IQGAP2: variants seen among roughly 807,000 people sequenced by gnomAD.
IQGAP2 encodes the protein ras GTPase-activating-like protein IQGAP2.
A neutral mutation model predicts 201.3 loss-of-function variants in IQGAP2; 173 were observed. The ratio of observed to expected loss-of-function variants is 0.86; its 90% CI spans 0.76 to 0.98. The LOEUF (loss-of-function observed/expected upper bound fraction) is 0.98. Among genes scored for constraint, IQGAP2 ranks in the 50% least tolerant of loss-of-function variants. IQGAP2 has a pLI of 0.00. For synonymous variants in IQGAP2, 675 were observed against 673.9 expected (o/e 1.00, Z -0.03); for missense variants, 1,687 against 1,864.8 (o/e 0.90, Z 1.76).
chr5:76,460,535 G>A (rs77245551), intron 1 of IQGAP2, among the ~76,000 whole-genome samples: 1,961 of 148,840 alleles, frequency 0.013, 17 homozygotes, highest in Non-Finnish European at 0.022. Context: ...GTGGCTGAGT[G>A]ACTAGACCTG....
chr5:76,665,456 C>T (rs572140171), intron 22 of IQGAP2, among the ~76,000 whole-genome samples: 1 of 152,164 alleles, frequency 6.6e-6, no homozygotes, highest in Non-Finnish European at 1.5e-5. Flanking sequence ...GGTTTTGAAA[C>T]GCAGGCAGTT....
intron 11 of IQGAP2, among the ~76,000 whole-genome samples, chr5:76,604,147 T>C (rs2150327818): frequency 6.6e-6 from 1 of 152,032 alleles, no homozygotes; most frequent in Admixed American, 6.6e-5. Flanking sequence ...CCCCCTGACA[T>C]GCCTCGGTGT....
At chr5:76,628,744 T>A (rs1750458897) in intron 14 of IQGAP2, 1 of 455,892 alleles carries the variant, frequency 2.2e-6, no homozygotes, top group Non-Finnish European at 4.4e-6. Context: ...CTCCTTAGCT[T>A]AGAAAAATGT....
chr5:76,540,647 T>C (rs1420456853), intron 2 of IQGAP2, among the ~76,000 whole-genome samples: 1 of 152,166 alleles, frequency 6.6e-6, no homozygotes, highest in Non-Finnish European at 1.5e-5. Flanking sequence ...AAAAGACCAA[T>C]TTGAGGGTGC....
At chr5:76,697,382 G>A (rs1746851823) in intron 32 of IQGAP2, among the ~76,000 whole-genome samples, 1 of 152,216 alleles carries the variant, frequency 6.6e-6, no homozygotes, top group Non-Finnish European at 1.5e-5. Flanking sequence ...AATGTCTCAT[G>A]CCTATAATCC....
At chr5:76,669,827 T>C (rs562850298) in intron 23 of IQGAP2, among the ~76,000 whole-genome samples, 1 of 152,228 alleles carries the variant, frequency 6.6e-6, no homozygotes, top group South Asian at 2.1e-4. Context: ...CTCTATTTGC[T>C]TTTTGGGGAT....
At chr5:76,510,939 G>A (rs1420202578) in intron 2 of IQGAP2, among the ~76,000 whole-genome samples, 2 of 152,222 alleles carry the variant, frequency 1.3e-5, no homozygotes, top group African/African-American at 2.4e-5. Flanking sequence ...GACTCATGCT[G>A]AACAGTGTGG....
At chr5:76,458,799 G>T (rs143772288) in intron 1 of IQGAP2, among the ~76,000 whole-genome samples, 90 of 152,282 alleles carry the variant, frequency 5.9e-4, no homozygotes, top group African/African-American at 2.0e-3. Flanking sequence ...TACTCTTATT[G>T]AGTGTAAATA....
At position 76,654,728 on chromosome 5, in the gene IQGAP2, C is replaced by T. The variant is rs539352940; in HGVS notation, c.2251-206C>T. ...TCTCTTTGTCTAGGCAGTTCCCCTACAGTCTTGTTTGTACTTTTAGCTGAC... is the reference window on the plus strand; with the variant it reads ...TCTCTTTGTCTAGGCAGTTCCCCTATAGTCTTGTTTGTACTTTTAGCTGAC... On this transcript the variant is annotated intron_variant, in intron 19 of 35. Coordinates refer to ENST00000274364, the MANE Select transcript of IQGAP2 (RefSeq NM_006633.5). Among the ~76,000 whole-genome samples, 7 of 152,336 alleles carry T rather than the reference C, an allele frequency of 4.6e-5. No homozygotes were observed. In the South Asian group the frequency reaches 1.5e-3, roughly 32 times the overall value.
chr5:76,553,615 T>TG (rs1210980762), intron 2 of IQGAP2, among the ~76,000 whole-genome samples: 1 of 152,206 alleles, frequency 6.6e-6, no homozygotes, highest in Non-Finnish European at 1.5e-5. Context: ...TCTTTTTCTT[T>TG]TTCTTTTTTC....
chr5:76,672,169 A>G (rs1168168272), intron 24 of IQGAP2, among the ~76,000 whole-genome samples, 186 bp downstream of exon 24: 1 of 152,236 alleles, frequency 6.6e-6, no homozygotes, highest in Non-Finnish European at 1.5e-5. Context: ...TTCACATTTC[A>G]GAGCCAGGTG....
rs1405681064 is a variant in IQGAP2, at chr5:76,606,257, G to A, written c.1311G>A (p.Gln437=). The A allele has an allele frequency of 6.2e-7, 1 of 1,605,478 alleles. No individual in the cohort carries two copies. Among genetic ancestry groups the A allele is most frequent in the Non-Finnish European group, 8.5e-7 (1 of 1,175,058 alleles). ...ATAACTTAAGCTGGAATGAAATTCA[G>A]AATTGTATTGATATGGTTAATGCTC... ...GQDNLSWNEI[Q]NCIDMVNAQI... is the part of the protein sequence containing the mutation. Residue 437 remains glutamine (Q), a synonymous_variant, in exon 12 of 36, where the codon CAG becomes CAA. Coordinates refer to ENST00000274364, the MANE Select transcript of IQGAP2 (RefSeq NM_006633.5).
At chr5:76,652,536 G>A (rs1159896851) in intron 17 of IQGAP2, among the ~76,000 whole-genome samples, 2 of 152,132 alleles carry the variant, frequency 1.3e-5, no homozygotes, top group Non-Finnish European at 2.9e-5. Context: ...TTACTCTGCT[G>A]TCCTAAGCTT....
intron 17 of IQGAP2, among the ~76,000 whole-genome samples, chr5:76,644,259 C>T (rs1751825395): frequency 6.9e-6 from 1 of 144,846 alleles, no homozygotes; most frequent in Non-Finnish European, 1.5e-5. Flanking sequence ...AGTTCCCATA[C>T]CAGGCAGGAG....
At chr5:76,676,590 G>A (rs900331373) in intron 27 of IQGAP2, among the ~76,000 whole-genome samples, 2 of 152,220 alleles carry the variant, frequency 1.3e-5, no homozygotes, top group Non-Finnish European at 1.5e-5. Context: ...CACTTCTCTT[G>A]ATCTCTGTCA....
chr5:76,660,701 C>G (rs1484337767), intron 21 of IQGAP2, among the ~76,000 whole-genome samples: 1 of 152,136 alleles, frequency 6.6e-6, no homozygotes, highest in Non-Finnish European at 1.5e-5. Flanking sequence ...AACATATTTG[C>G]AAACACCAGA....
intron 28 of IQGAP2, among the ~76,000 whole-genome samples, chr5:76,680,401 G>A (rs1028029801): frequency 1.3e-5 from 2 of 152,132 alleles, no homozygotes; most frequent in Admixed American, 1.3e-4. Flanking sequence ...AGATATAGGA[G>A]TAAATCTTTG....
chr5:76,600,661 A>G (rs1747367634), intron 10 of IQGAP2, 151 bp from the exon 11 acceptor site: 2 of 773,270 alleles, frequency 2.6e-6, no homozygotes, highest in African/African-American at 1.7e-5. Flanking sequence ...TCTTAAAGCC[A>G]GTGGAAAGCA....
At chr5:76,424,481 A>AT (rs1223519154) in intron 1 of IQGAP2, among the ~76,000 whole-genome samples, 1 of 151,548 alleles carries the variant, frequency 6.6e-6, no homozygotes, top group Non-Finnish European at 1.5e-5. Context: ...CTCATTTTGT[A>AT]TTTTTAGTAG....
Sources: allele counts gnomAD v4.1 joint callset (sites outside exome capture counted in the v4.1 genomes callset), GRCh38; gene constraint gnomAD v4.1.1; transcripts MANE v1.5; gene names NCBI Gene and HGNC (gene_info 2026-07-23, HGNC 2026-07-21).